The following ADAMTS7 variants were observed in gnomAD, a reference collection of about 807,000 sequenced individuals.
ADAMTS7 encodes the protein A disintegrin and metalloproteinase with thrombospondin motifs 7.
A neutral mutation model predicts 172.6 loss-of-function variants in ADAMTS7; 89 were observed. That is an observed-to-expected ratio of 0.52 (90% confidence interval 0.43 to 0.61). The LOEUF (loss-of-function observed/expected upper bound fraction) is 0.61. ADAMTS7 is among the 20% of genes least tolerant of loss of function. The probability of loss-of-function intolerance (pLI) is 0.00; values close to 1 mark genes in which losing one functional copy is unlikely to be tolerated. For missense variants in ADAMTS7, 1,973 were observed against 2,355.6 expected (o/e 0.84, Z 3.36); for synonymous variants, 885 against 978.4 (o/e 0.90, Z 1.78).
chr15:78,801,392 T>C (rs771339177), intron 1 of ADAMTS7, among the ~76,000 whole-genome samples: 9 of 152,082 alleles, frequency 5.9e-5, no homozygotes, highest in Non-Finnish European at 8.8e-5. Flanking sequence ...GGATTTTGCA[T>C]TGCTGTTCCC....
intron 7 of ADAMTS7, among the ~76,000 whole-genome samples, chr15:78,789,020 C>G (rs2055543541): frequency 6.6e-6 from 1 of 152,180 alleles, no homozygotes; most frequent in Non-Finnish European, 1.5e-5. Context: ...CTTTCTGCAG[C>G]CATAAGCAGC....
intron 14 of ADAMTS7, 148 bp downstream of exon 14, chr15:78,772,935 G>T (rs1394896149): frequency 7.3e-6 from 8 of 1,096,198 alleles, no homozygotes; most frequent in Non-Finnish European, 1.0e-5. Flanking sequence ...CCTGACTCCT[G>T]CAAGAATCCA....
intron 1 of ADAMTS7, among the ~76,000 whole-genome samples, chr15:78,800,805 G>A (rs974302534): frequency 6.6e-5 from 10 of 152,080 alleles, no homozygotes; most frequent in Non-Finnish European, 1.3e-4. Context: ...AGACAGTCTC[G>A]CTCTGTCGCC....
intron 6 of ADAMTS7, among the ~76,000 whole-genome samples, chr15:78,790,197 G>A (rs1021319310): frequency 6.6e-6 from 1 of 152,180 alleles, no homozygotes; most frequent in Non-Finnish European, 1.5e-5. Context: ...GACTATAAAC[G>A]GGTAGCATGA....
At chr15:78,765,189 A>G in intron 19 of ADAMTS7, 1 of 224,974 alleles carries the variant, frequency 4.4e-6, no homozygotes, top group Non-Finnish European at 8.8e-6. Context: ...CCATCTGGGG[A>G]CCCAGGGAGG....
chr15:78,777,911 C>T (rs1379610036), intron 8 of ADAMTS7, among the ~76,000 whole-genome samples: 3 of 152,216 alleles, frequency 2.0e-5, no homozygotes, highest in Non-Finnish European at 4.4e-5. Flanking sequence ...CCCTGCTCTC[C>T]GACCCTGCAG....
At position 78,811,235 on chromosome 15, in the gene ADAMTS7, G is replaced by A; in HGVS notation, c.-15C>T. On this transcript the variant is annotated 5_prime_UTR_variant, in exon 1 of 24. Coordinates refer to ENST00000388820, the MANE Select transcript of ADAMTS7 (RefSeq NM_014272.5). ...CCGCCGGGCATGGCAGGAACCGGGC[G>A]GCCGCCGGGTGACCCCGCGCGCACG... The A allele has an allele frequency of 8.2e-7, 1 of 1,225,926 alleles. No individual in the cohort carries two copies. Among genetic ancestry groups the A allele is most frequent in the Non-Finnish European group, 1.0e-6 (1 of 984,178 alleles). The allele number at this position is 1,225,926 out of a possible 1,614,324, so 75.9% of individuals were successfully genotyped here.
At chr15:78,808,280 A>G (rs1468999821) in intron 1 of ADAMTS7, among the ~76,000 whole-genome samples, 2 of 152,210 alleles carry the variant, frequency 1.3e-5, no homozygotes, top group East Asian at 3.8e-4. Flanking sequence ...TGTGTCACCC[A>G]GGCTAGAATG....
chr15:78,808,313 C>T (rs775081336), intron 1 of ADAMTS7, among the ~76,000 whole-genome samples: 30 of 152,208 alleles, frequency 2.0e-4, no homozygotes, highest in Admixed American at 3.9e-4. Context: ...CTCGGCTCAC[C>T]GCAACCTCTG....
rs867850002 is a variant in ADAMTS7 at position 78,782,093 on chromosome 15, G to A, written c.1323-4505C>T. On this transcript the variant is annotated intron_variant, in intron 8 of 23. Transcript: ENST00000388820. ...GTCGCCCAAGCTGAACTGCAGTGGT[G>A]TGATCTTGGCTCACTGCAACCTCCA... 7.9e-5 allele frequency among the ~76,000 whole-genome samples: 12 copies of A among 151,840 alleles called. No homozygotes were observed. In the Middle Eastern group the frequency reaches 0.014, roughly 172 times the overall value.
At chr15:78,780,469 C>T (rs975095858) in intron 8 of ADAMTS7, among the ~76,000 whole-genome samples, 2 of 152,074 alleles carry the variant, frequency 1.3e-5, no homozygotes, top group Non-Finnish European at 2.9e-5. Context: ...CCACATGTGA[C>T]CCAGCCTGCC....
At chr15:78,777,614 G>T (rs768846600) in intron 8 of ADAMTS7, 26 bp from the exon 9 acceptor site, 14 of 1,589,648 alleles carry the variant, frequency 8.8e-6, no homozygotes, top group Admixed American at 3.6e-5. Context: ...GAGGATGGAG[G>T]GGGGCGCAGC....
Position 78,762,409 on chromosome 15 carries a change from G to C in ADAMTS7, c.4897C>G (p.Pro1633Ala), listed in dbSNP as rs539519993. The change falls in exon 23 of 24, where the codon CCT becomes GCT. Residue 1633 changes from proline (P) to alanine (A), a missense_variant. Pro to Ala is a conservative substitution (Grantham distance 27). Transcript: ENST00000388820. ...CTGGGGTCAGGGGACTCACGGGGAGGCTCGACGGGCTCACAATCCTCGGTG... is the reference window on the plus strand; with the variant it reads ...CTGGGGTCAGGGGACTCACGGGGAGCCTCGACGGGCTCACAATCCTCGGTG... ...CGTEDCEPVE[P>A]PRCERDRLSF... 2 of 1,476,020 alleles carry C rather than the reference G, an allele frequency of 1.4e-6. No individual in the cohort carries two copies. The highest frequency in any genetic ancestry group is 2.3e-5 in the Admixed American group (1 of 43,392). The allele number at this position is 1,476,020 out of a possible 1,614,324, so 91.4% of individuals were successfully genotyped here.
intron 4 of ADAMTS7, among the ~76,000 whole-genome samples, chr15:78,794,033 C>T (rs1038290546): frequency 5.3e-5 from 8 of 151,990 alleles, no homozygotes; most frequent in East Asian, 1.9e-4. Flanking sequence ...GAGGACGAGG[C>T]GGGCAGAATA....
chr15:78,773,819 A>G (rs1305343542), intron 13 of ADAMTS7, among the ~76,000 whole-genome samples: 1 of 152,232 alleles, frequency 6.6e-6, no homozygotes, highest in Non-Finnish European at 1.5e-5. Context: ...GTGGTCAGCC[A>G]GCCAGCAAGA....
At chr15:78,802,709 A>G (rs1445093264) in intron 1 of ADAMTS7, among the ~76,000 whole-genome samples, 4 of 152,196 alleles carry the variant, frequency 2.6e-5, no homozygotes, top group Non-Finnish European at 2.9e-5. Flanking sequence ...TAAAATACAC[A>G]GGAGTGGTTG....
chr15:78,767,637 G>A, intron 17 of ADAMTS7, 45 bp from the exon 18 acceptor site: 1 of 1,487,894 alleles, frequency 6.7e-7, no homozygotes, highest in Non-Finnish European at 9.0e-7. Context: ...TCAGACAGGT[G>A]GCCTGCAGGC....
Position 78,781,879 on chromosome 15 carries a change from G to C in ADAMTS7, c.1323-4291C>G, listed in dbSNP as rs138297947. ...AATGAGTGTGCGTGAAATGCTTACT[G>C]TGTGGCAGGCACTGTGCTAAGCACT... On this transcript the variant is annotated intron_variant, in intron 8 of 23. Coordinates refer to ENST00000388820, the MANE Select transcript of ADAMTS7 (RefSeq NM_014272.5). 1.1e-3 allele frequency among the ~76,000 whole-genome samples: 163 copies of C among 152,330 alleles called. 1 individual carries two copies. The East Asian group carries it at 0.023, about 22-fold the overall frequency.
At chr15:78,800,053 T>C (rs1361103227) in intron 2 of ADAMTS7, 139 bp downstream of exon 2, 1 of 739,892 alleles carries the variant, frequency 1.4e-6, no homozygotes, top group African/African-American at 1.9e-5. Context: ...ACTCCCACTT[T>C]ACAGGCGTGA....
Sources: allele counts gnomAD v4.1 joint callset (sites outside exome capture counted in the v4.1 genomes callset), GRCh38; gene constraint gnomAD v4.1.1; transcripts MANE v1.5; gene names NCBI Gene and HGNC (gene_info 2026-07-23, HGNC 2026-07-21).